PPP3CC: variants seen among roughly 807,000 people sequenced by gnomAD.
The protein encoded by PPP3CC is serine/threonine-protein phosphatase 2B catalytic subunit gamma isoform.
PPP3CC carries 35 observed loss-of-function variants against 60.3 expected under a neutral mutation model. That is an observed-to-expected ratio of 0.58 (90% CI 0.44 to 0.77). The LOEUF (loss-of-function observed/expected upper bound fraction) is 0.77, where lower values mean the gene tolerates loss of function less well. Ranked by LOEUF, PPP3CC falls within the 30% of genes least tolerant of loss-of-function variation. PPP3CC has a pLI of 0.00. For synonymous variants in PPP3CC, 206 were observed against 224.3 expected, an observed-to-expected ratio of 0.92 and a Z score of 0.73; for missense variants, 570 against 628.9, an observed-to-expected ratio of 0.91 and a Z score of 1.00.
chr8:22,520,941 G>A (rs80097541), intron 6 of PPP3CC, among the ~76,000 whole-genome samples: 10 of 152,236 alleles, frequency 6.6e-5, no homozygotes, highest in Non-Finnish European at 1.3e-4. Context: ...TTATGGACTC[G>A]TTCGCCAAGT....
intron 3 of PPP3CC, among the ~76,000 whole-genome samples, chr8:22,486,621 T>G (rs530156732): frequency 1.2e-4 from 18 of 152,272 alleles, no homozygotes; most frequent in Admixed American, 3.9e-4. Flanking sequence ...AAAGCAGACC[T>G]GTGAATCGCT....
At chr8:22,458,835 G>A (rs571594607) in intron 1 of PPP3CC, among the ~76,000 whole-genome samples, 1 of 152,106 alleles carries the variant, frequency 6.6e-6, no homozygotes, top group South Asian at 2.1e-4. Flanking sequence ...AGAAACCAGA[G>A]GAGTTGATGA....
chr8:22,523,658 C>G (rs1839467896), intron 8 of PPP3CC: 1 of 454,452 alleles, frequency 2.2e-6, no homozygotes, highest in Non-Finnish European at 4.4e-6. Flanking sequence ...GCGACACATT[C>G]TTTTGATTAT....
rs181912399 is a variant in PPP3CC, at chr8:22,487,585, A to C, written c.373-10416A>C. ...GGTTGCAGTGAGCCTAGATTATGCC[A>C]CTGCATTCTGGCCTAGGTGACTGAG... On this transcript the variant is annotated intron_variant, in intron 3 of 13. Coordinates refer to ENST00000240139, the MANE Select transcript of PPP3CC (RefSeq NM_005605.5). 1.1e-3 allele frequency among the ~76,000 whole-genome samples: 167 copies of C among 152,316 alleles called. 4 individuals are homozygous for C. The highest frequency in any genetic ancestry group is 2.5e-4 in the Non-Finnish European group (17 of 68,024).
At chr8:22,529,770 G>A (rs1839653738) in intron 10 of PPP3CC, among the ~76,000 whole-genome samples, 1 of 152,178 alleles carries the variant, frequency 6.6e-6, no homozygotes, top group Admixed American at 6.5e-5. Context: ...ACAAGCATGA[G>A]CCACCATGCC....
At chr8:22,472,933 T>C (rs1306144229) in intron 1 of PPP3CC, among the ~76,000 whole-genome samples, 1 of 152,028 alleles carries the variant, frequency 6.6e-6, no homozygotes, top group African/African-American at 2.4e-5. Context: ...ATGACAGGAG[T>C]TTTTCAGCTC....
chr8:22,519,073 A>T (rs907632931), intron 6 of PPP3CC, among the ~76,000 whole-genome samples: 1 of 152,190 alleles, frequency 6.6e-6, no homozygotes, highest in Non-Finnish European at 1.5e-5. Flanking sequence ...TTGGGCACAT[A>T]TATATTTATA....
chr8:22,441,429 A>C lies in PPP3CC; in HGVS notation c.20A>C (p.His7Pro). Residue 7 changes from histidine (H) to proline (P), a missense_variant, in exon 1 of 14, where the codon CAC (histidine) becomes CCC (proline). His to Pro is a moderately conservative substitution (Grantham distance 77). Coordinates refer to ENST00000240139, the MANE Select transcript of PPP3CC (RefSeq NM_005605.5). MSGRRF[H>P]LSTTDRVIKA... ...GGGACCATGTCCGGGAGGCGCTTCC[A>C]CCTCTCCACCACCGACCGCGTCATC... is the stretch of plus-strand genomic sequence containing the variant. The C allele has an allele frequency of 6.5e-7, 1 of 1,545,108 alleles. No homozygotes were observed. The highest frequency in any genetic ancestry group is 1.2e-5 in the South Asian group (1 of 82,814).
chr8:22,516,395 T>G (rs1280274805), intron 6 of PPP3CC, among the ~76,000 whole-genome samples: 1 of 152,258 alleles, frequency 6.6e-6, no homozygotes. Context: ...GACATCAACT[T>G]GGCAATATCT....
intron 1 of PPP3CC, among the ~76,000 whole-genome samples, chr8:22,462,254 A>G (rs1168747844): frequency 2.0e-5 from 3 of 152,042 alleles, no homozygotes; most frequent in Non-Finnish European, 2.9e-5. Context: ...TAAAAAGAAA[A>G]AAAATAAGGT....
At chr8:22,508,115 G>A (rs772111857) in intron 4 of PPP3CC, among the ~76,000 whole-genome samples, 4 of 152,068 alleles carry the variant, frequency 2.6e-5, no homozygotes, top group African/African-American at 7.2e-5. Flanking sequence ...AATTAGCTGG[G>A]TGTGGTGGTG....
At chr8:22,532,053 C>G (rs185288961) in intron 10 of PPP3CC, among the ~76,000 whole-genome samples, 172 bp from the exon 11 acceptor site, 80 of 152,230 alleles carry the variant, frequency 5.3e-4, no homozygotes, top group Admixed American at 3.3e-3. Context: ...GTCATTTTTT[C>G]TCTTGCTCCT....
intron 8 of PPP3CC, chr8:22,523,888 C>T (rs989510490): frequency 5.1e-4 from 97 of 188,434 alleles, no homozygotes; most frequent in African/African-American, 2.0e-3. Flanking sequence ...GTTCCAAAAA[C>T]GTTTTGAGTA....
intron 12 of PPP3CC, among the ~76,000 whole-genome samples, chr8:22,537,028 C>T (rs1421129534): frequency 6.6e-6 from 1 of 152,122 alleles, no homozygotes; most frequent in East Asian, 1.9e-4. Flanking sequence ...AAGCCAAGGA[C>T]AGGACAAGAT....
chr8:22,470,002 G>GTA (rs200309626), intron 1 of PPP3CC, among the ~76,000 whole-genome samples: 7 of 148,224 alleles, frequency 4.7e-5, no homozygotes, highest in African/African-American at 1.0e-4. Context: ...AATGATCCAT[G>GTA]TATATATATA....
chr8:22,514,515 G>A (rs1000844357), intron 6 of PPP3CC, among the ~76,000 whole-genome samples: 2 of 151,414 alleles, frequency 1.3e-5, no homozygotes, highest in Non-Finnish European at 2.9e-5. Flanking sequence ...TACATAGTAG[G>A]TATATATATT....
intron 1 of PPP3CC, among the ~76,000 whole-genome samples, chr8:22,456,197 A>C (rs1007951834): frequency 2.0e-5 from 3 of 152,180 alleles, no homozygotes; most frequent in Admixed American, 2.0e-4. Flanking sequence ...ATAGGCCAAT[A>C]ACCTTTAAGG....
chr8:22,504,497 T>C (rs1047738246), intron 4 of PPP3CC, among the ~76,000 whole-genome samples: 8 of 152,056 alleles, frequency 5.3e-5, no homozygotes, highest in African/African-American at 1.9e-4. Flanking sequence ...AGACTGAGTC[T>C]CGCCTATGTT....
chr8:22,456,639 T>G (rs1837203474), intron 1 of PPP3CC, among the ~76,000 whole-genome samples: 1 of 152,174 alleles, frequency 6.6e-6, no homozygotes, highest in Admixed American at 6.6e-5. Context: ...TGTGTATGTG[T>G]GTTTAGCTTT....
Sources: allele counts gnomAD v4.1 joint callset (sites outside exome capture counted in the v4.1 genomes callset), GRCh38; gene constraint gnomAD v4.1.1; transcripts MANE v1.5; gene names NCBI Gene and HGNC (gene_info 2026-07-23, HGNC 2026-07-21).